Variants in RERE observed in about 807,000 individuals in gnomAD.
The protein encoded by RERE is arginine-glutamic acid dipeptide repeats.
Under a neutral mutation model 146.1 loss-of-function variants are expected in RERE, and 40 were observed. That is an observed-to-expected ratio of 0.27 (90% CI 0.21 to 0.36). The LOEUF is 0.36. Among genes scored for constraint, RERE ranks in the 10% least tolerant of loss-of-function variants. RERE has a pLI of 1.00. For missense variants in RERE, 1,933 were observed against 2,138.7 expected (o/e 0.90, Z 1.90); for synonymous variants, 1,003 against 866.0 (o/e 1.16, Z -2.78).
chr1:8,557,737 C>A (rs762909539), intron 4 of RERE, among the ~76,000 whole-genome samples: 11 of 152,196 alleles, frequency 7.2e-5, no homozygotes, highest in Non-Finnish European at 1.2e-4. Context: ...CCTTACCCCT[C>A]TAAACTGCTT....
chr1:8,788,209 G>A (rs1641293590), intron 1 of RERE, among the ~76,000 whole-genome samples: 1 of 151,924 alleles, frequency 6.6e-6, no homozygotes, highest in African/African-American at 2.4e-5. Context: ...CCCAATAATA[G>A]GAAAATACTT....
chr1:8,601,891 T>C (rs1646636382), intron 4 of RERE, among the ~76,000 whole-genome samples: 1 of 152,158 alleles, frequency 6.6e-6, no homozygotes, highest in Non-Finnish European at 1.5e-5. Context: ...CAAGGCCCTA[T>C]GGCAGTGCAG....
intron 11 of RERE, 151 bp downstream of exon 11, chr1:8,465,765 TAAGGGGCTG>T: frequency 1.4e-6 from 1 of 697,016 alleles, no homozygotes. Context: ...TCTGTACAAT[TAAGGGGCTG>T]AAGGGCCCCA....
chr1:8,408,945 A>G (rs1327747635), intron 12 of RERE, among the ~76,000 whole-genome samples: 1 of 152,162 alleles, frequency 6.6e-6, no homozygotes, highest in Admixed American at 6.5e-5. Flanking sequence ...AATGTCCCGC[A>G]ATGATTTGGG....
chr1:8,476,479 G>A lies in RERE; in HGVS notation c.1105-10456C>T, dbSNP rs375952814. 2.3e-3 allele frequency among the ~76,000 whole-genome samples: 344 copies of A among 152,268 alleles called. 1 individual carries two copies. Among genetic ancestry groups the A allele is most frequent in the African/African-American group, 7.7e-3 (319 of 41,542 alleles). Reference sequence around the variant, plus strand: ...AGGGGATGAGGGTGGGTGGAGGAAAGGAGGGAGCCAGCAGCTCAGAAAAGA... The same window carrying A: ...AGGGGATGAGGGTGGGTGGAGGAAAAGAGGGAGCCAGCAGCTCAGAAAAGA... On this transcript the variant is annotated intron_variant, in intron 10 of 22. Coordinates refer to ENST00000400908, the MANE Select transcript of RERE (RefSeq NM_001042681.2).
At chr1:8,630,988 G>A (rs1344430894) in intron 2 of RERE, among the ~76,000 whole-genome samples, 2 of 152,110 alleles carry the variant, frequency 1.3e-5, no homozygotes, top group Non-Finnish European at 1.5e-5. Flanking sequence ...CCCAAGTAGT[G>A]CTACAAAGAA....
chr1:8,549,330 G>A (rs1645906447), intron 6 of RERE, among the ~76,000 whole-genome samples: 1 of 152,178 alleles, frequency 6.6e-6, no homozygotes, highest in African/African-American at 2.4e-5. Context: ...CTGATAAAGT[G>A]CAGGGGCCAA....
At chr1:8,804,736 G>A (rs1400541640) in intron 1 of RERE, among the ~76,000 whole-genome samples, 2 of 135,000 alleles carry the variant, frequency 1.5e-5, no homozygotes, top group Admixed American at 7.9e-5. Flanking sequence ...GTGAGAAAGT[G>A]GAGAAGCCAC....
At chr1:8,592,415 T>G (rs1451256254) in intron 4 of RERE, among the ~76,000 whole-genome samples, 1 of 152,056 alleles carries the variant, frequency 6.6e-6, no homozygotes, top group Non-Finnish European at 1.5e-5. Flanking sequence ...GGACTACAGG[T>G]GCATACCACC....
chr1:8,398,152 C>A (rs1643118266), intron 12 of RERE, among the ~76,000 whole-genome samples: 1 of 152,210 alleles, frequency 6.6e-6, no homozygotes, highest in Non-Finnish European at 1.5e-5. Context: ...TAGAGCATTT[C>A]CACATGGAGT....
chr1:8,757,919 C>CACACACACACACACACACAT (rs57264533), intron 1 of RERE, among the ~76,000 whole-genome samples: 2 of 150,746 alleles, frequency 1.3e-5, no homozygotes, highest in Non-Finnish European at 3.0e-5. Flanking sequence ...CATACACACA[C>CACACACACACACACACACAT]ACACACACAC....
At chr1:8,600,203 C>G (rs904257519) in intron 4 of RERE, among the ~76,000 whole-genome samples, 5 of 152,182 alleles carry the variant, frequency 3.3e-5, no homozygotes, top group African/African-American at 1.2e-4. Flanking sequence ...GAGGCCTACC[C>G]AGCCACATGG....
chr1:8,600,562 A>G (rs1275577191), intron 4 of RERE, among the ~76,000 whole-genome samples: 1 of 152,182 alleles, frequency 6.6e-6, no homozygotes, highest in Admixed American at 6.5e-5. Context: ...GCCAGGGGGA[A>G]GTGATAGCGA....
Position 8,359,876 on chromosome 1 carries a change from T to G in RERE, c.3506A>C (p.Lys1169Thr). 1 of 1,613,022 alleles carries G rather than the reference T, an allele frequency of 6.2e-7. No homozygotes were observed. The highest frequency in any genetic ancestry group is 8.5e-7 in the Non-Finnish European group (1 of 1,180,012). Residue 1169 changes from lysine to threonine, a missense_variant, in exon 19 of 23, where the codon AAG becomes ACG. Coordinates refer to ENST00000400908, the MANE Select transcript of RERE (RefSeq NM_001042681.2). ...LAKKREEAIE[K>T]AKREAEQKAR... is the part of the protein sequence containing the mutation. ...TTTCTGCTCAGCCTCGCGCTTGGCC[T>G]TCTCAATGGCCTCCTCCCTCTTCTT...
chr1:8,492,930 C>T (rs1015856018), intron 10 of RERE, among the ~76,000 whole-genome samples: 5 of 151,606 alleles, frequency 3.3e-5, no homozygotes, highest in African/African-American at 7.3e-5. Flanking sequence ...TAGCTGAGTG[C>T]GGTGGCACAT....
intron 3 of RERE, 43 bp downstream of exon 3, chr1:8,624,267 A>C (rs1646949397): frequency 7.0e-7 from 1 of 1,419,150 alleles, no homozygotes; most frequent in Admixed American, 1.7e-5. Flanking sequence ...CTGGAAAAAG[A>C]GAGAATACAG....
At chr1:8,389,672 GGGA>G (rs1305478224) in intron 12 of RERE, among the ~76,000 whole-genome samples, 1 of 152,212 alleles carries the variant, frequency 6.6e-6, no homozygotes, top group African/African-American at 2.4e-5. Flanking sequence ...GGTTCATGTT[GGGA>G]GGAGAAGTCG....
At chr1:8,499,164 A>C (rs528161030) in intron 8 of RERE, among the ~76,000 whole-genome samples, 1 of 152,348 alleles carries the variant, frequency 6.6e-6, no homozygotes, top group East Asian at 1.9e-4. Context: ...TCATCCTGTC[A>C]AATGATGACC....
chr1:8,571,037 C>CA lies in RERE; in HGVS notation c.523-13515dup, dbSNP rs1251405853. On this transcript the variant is annotated intron_variant, in intron 4 of 22. Transcript: ENST00000400908. Reference sequence around the variant, plus strand: ...TAAAAGAAATATTTAAAGCTTGATTCAAACAAGTATTTGTCTACATTAAAA... The same window carrying CA: ...TAAAAGAAATATTTAAAGCTTGATTCAAAACAAGTATTTGTCTACATTAAAA... 5.3e-5 allele frequency among the ~76,000 whole-genome samples: 8 copies of CA among 152,160 alleles called. No individual in the cohort carries two copies. The East Asian group carries it at 1.5e-3, about 29-fold the overall frequency.
Sources: gnomAD v4.1 joint callset for allele counts (sites outside exome capture counted in the v4.1 genomes callset) on GRCh38, gnomAD v4.1.1 for gene constraint, MANE v1.5 for transcripts, NCBI Gene and HGNC (gene_info 2026-07-23, HGNC 2026-07-21) for gene names.